The following PRMT8 variants were observed in gnomAD, a reference collection of about 807,000 sequenced individuals.
PRMT8 encodes the protein protein arginine methyltransferase 8, also known as protein arginine N-methyltransferase 8.
PRMT8 carries 7 observed loss-of-function variants against 47.1 expected under a neutral mutation model. The observed-to-expected ratio is 0.15, with a 90% CI of 0.08 to 0.28. The LOEUF (loss-of-function observed/expected upper bound fraction) is 0.28, where lower values mean the gene tolerates loss of function less well. PRMT8 is among the 10% of genes least tolerant of loss of function. The pLI is 1.00. For synonymous variants in PRMT8, 188 were observed against 186.5 expected (o/e 1.01, Z -0.07); for missense variants, 237 against 505.4 (o/e 0.47, Z 5.09).
At chr12:3,433,793 G>A (rs1864707503) in intron 1 of PRMT8, among the ~76,000 whole-genome samples, 1 of 152,112 alleles carries the variant, frequency 6.6e-6, no homozygotes, top group Admixed American at 6.6e-5. Context: ...TGTATTTTTA[G>A]TAGAGATGGG....
At chr12:3,470,737 G>T (rs1486462898) in intron 1 of PRMT8, among the ~76,000 whole-genome samples, 1 of 152,166 alleles carries the variant, frequency 6.6e-6, no homozygotes, top group African/African-American at 2.4e-5. Flanking sequence ...CAGAACCGGG[G>T]CCTGCTTTCA....
intron 1 of PRMT8, among the ~76,000 whole-genome samples, chr12:3,417,278 A>G (rs971080931): frequency 1.3e-5 from 2 of 152,222 alleles, no homozygotes; most frequent in Non-Finnish European, 2.9e-5. Flanking sequence ...CAGATTTCAG[A>G]CAGCAACACA....
intron 1 of PRMT8, among the ~76,000 whole-genome samples, chr12:3,388,203 A>G (rs752661505): frequency 6.6e-6 from 1 of 152,124 alleles, no homozygotes; most frequent in Non-Finnish European, 1.5e-5. Flanking sequence ...ACCCCGTTTC[A>G]TGACATTGAC....
At chr12:3,445,039 G>A (rs896076370) in intron 1 of PRMT8, among the ~76,000 whole-genome samples, 2 of 152,260 alleles carry the variant, frequency 1.3e-5, no homozygotes, top group African/African-American at 4.8e-5. Context: ...AGGAAGGGGA[G>A]ATTTTGAGTG....
chr12:3,550,445 A>C lies in PRMT8; in HGVS notation c.417+354A>C, dbSNP rs147607657. The C allele has an allele frequency of 3.9e-6, 1 of 253,680 alleles. No individual in the cohort carries two copies. The highest frequency in any genetic ancestry group is 4.5e-5 in the Admixed American group (1 of 22,052). The allele number at this position is 253,680 out of a possible 1,614,324, so 15.7% of individuals were successfully genotyped here. ...GGTTTGAATCTCTGCATTTCCATTC[A>C]CTAGGCATGTGACCTTGGACTATTC... is the stretch of plus-strand genomic sequence containing the variant. On this transcript the variant is annotated intron_variant, in intron 3 of 9. Transcript: ENST00000382622. The surrounding 1 kb of genome is among the most constrained non-coding windows in gnomAD (Gnocchi z 5.1).
rs534871218 is a variant in PRMT8, at chr12:3,415,924, C to T, written c.48+34482C>T. 1.1e-4 allele frequency among the ~76,000 whole-genome samples: 16 copies of T among 152,266 alleles called. No homozygotes were observed. In the South Asian group the frequency reaches 1.2e-3, roughly 12 times the overall value. ...AATGTGAGCTGGGGTAATCACAGGG[C>T]TCTCCCCGCAGGACAGGGACAAACT... is the stretch of plus-strand genomic sequence containing the variant. On this transcript the variant is annotated intron_variant, in intron 1 of 9. Transcript: ENST00000452611.
In PRMT8 at chr12:3,405,534, C is replaced by T. The variant is rs7485966; in HGVS notation, c.48+24092C>T. ...CATCTGAGACAAGGCAAGTCCCTTTCGCCTATAAAATCAAAAGCAAGTTAG... is the reference window on the plus strand; with the variant it reads ...CATCTGAGACAAGGCAAGTCCCTTTTGCCTATAAAATCAAAAGCAAGTTAG... On this transcript the variant is annotated intron_variant, in intron 1 of 9. Transcript: ENST00000452611. 2.7e-3 allele frequency among the ~76,000 whole-genome samples: 404 copies of T among 152,296 alleles called. 3 individuals carry two copies. The highest frequency in any genetic ancestry group is 8.8e-3 in the African/African-American group (366 of 41,554).
At chr12:3,589,331 G>A (rs1404046953) in intron 8 of PRMT8, among the ~76,000 whole-genome samples, 1 of 152,150 alleles carries the variant, frequency 6.6e-6, no homozygotes, top group Non-Finnish European at 1.5e-5. Flanking sequence ...CTCACAATAC[G>A]TCAGGAGGTG....
chr12:3,443,975 T>C (rs1452943813), intron 1 of PRMT8, among the ~76,000 whole-genome samples: 1 of 152,236 alleles, frequency 6.6e-6, no homozygotes, highest in East Asian at 1.9e-4. Context: ...TAAACATCAT[T>C]GCTTTAAACT....
chr12:3,565,042 G>C (rs1032963176), intron 4 of PRMT8, among the ~76,000 whole-genome samples: 2 of 152,214 alleles, frequency 1.3e-5, no homozygotes, highest in Non-Finnish European at 2.9e-5. Flanking sequence ...TGGCTGCACA[G>C]AAAGAATGTG....
At chr12:3,588,699 T>C (rs1388036520) in intron 8 of PRMT8, among the ~76,000 whole-genome samples, 1 of 152,242 alleles carries the variant, frequency 6.6e-6, no homozygotes, top group Non-Finnish European at 1.5e-5. Context: ...GTACTGGTCA[T>C]GCTCACTTCA....
chr12:3,538,589 T>G lies in PRMT8; in HGVS notation c.76-2017T>G, dbSNP rs956839598. 1 of 518,652 alleles carries G rather than the reference T, an allele frequency of 1.9e-6. No homozygotes were observed. Among genetic ancestry groups the G allele is most frequent in the Non-Finnish European group, 3.9e-6 (1 of 259,724 alleles). The allele number at this position is 518,652 out of a possible 1,614,324, so 32.1% of individuals were successfully genotyped here. ...ACAGCTAAGGGGTGCTGGAGGCCCC[T>G]GTGACCTTGACCATGCACAATGCCC... On this transcript the variant is annotated intron_variant, in intron 1 of 9. Coordinates refer to ENST00000382622, the MANE Select transcript of PRMT8 (RefSeq NM_019854.5). The surrounding 1 kb of genome is among the most constrained non-coding windows in gnomAD (Gnocchi z 4.6).
chr12:3,512,557 T>A (rs984673200), intron 1 of PRMT8, among the ~76,000 whole-genome samples: 2 of 152,130 alleles, frequency 1.3e-5, no homozygotes, highest in Non-Finnish European at 2.9e-5. Flanking sequence ...ACCAGAGGCC[T>A]CCCTTACTCT....
At chr12:3,581,026 C>T (rs1422251910) in intron 7 of PRMT8, among the ~76,000 whole-genome samples, 10 of 152,146 alleles carry the variant, frequency 6.6e-5, no homozygotes, top group Admixed American at 5.2e-4. Context: ...ATGAAGGACC[C>T]CTCCCCTTGA....
At position 3,491,326 on chromosome 12, in the gene PRMT8, C is replaced by T; in HGVS notation, c.-300C>T. ...CGCCGCCGCCGCGGAGGCTTCGGGG[C>T]TGCTTCCCTCGAGCTTAGCCCGCAG... On this transcript the variant is annotated 5_prime_UTR_variant, in exon 1 of 10. Transcript: ENST00000382622. The T allele has an allele frequency of 9.0e-7, 1 of 1,105,862 alleles. No homozygotes were observed. The highest frequency in any genetic ancestry group is 5.6e-5 in the East Asian group (1 of 17,968). The allele number at this position is 1,105,862 out of a possible 1,614,324, so 68.5% of individuals were successfully genotyped here.
chr12:3,445,411 T>C (rs1268109315), intron 1 of PRMT8, among the ~76,000 whole-genome samples: 1 of 152,234 alleles, frequency 6.6e-6, no homozygotes, highest in Non-Finnish European at 1.5e-5. Context: ...ACTTTATTGA[T>C]TTAAAGTTGC....
In PRMT8 at chr12:3,514,657, G is replaced by A. The variant is rs1865761555; in HGVS notation, c.75+22957G>A. Among the ~76,000 whole-genome samples the A allele has an allele frequency of 3.9e-5, 6 of 152,184 alleles. No homozygotes were observed. In the South Asian group the frequency reaches 1.2e-3, roughly 32 times the overall value. On this transcript the variant is annotated intron_variant, in intron 1 of 9. Coordinates refer to ENST00000382622, the MANE Select transcript of PRMT8 (RefSeq NM_019854.5). This position sits in a 1 kb window ranked among gnomAD's most constrained non-coding sequence, Gnocchi z 5.9. ...GTTTCCTTGCAAAGCTGACCTTTCCGGCTGGGTTCTGCCTGTGGGCGACAG... is the reference window on the plus strand; with the variant it reads ...GTTTCCTTGCAAAGCTGACCTTTCCAGCTGGGTTCTGCCTGTGGGCGACAG...
At chr12:3,540,473 C>G (rs1266965298) in intron 1 of PRMT8, 133 bp from the exon 2 acceptor site, 4 of 648,468 alleles carry the variant, frequency 6.2e-6, no homozygotes, top group Non-Finnish European at 1.1e-5. Flanking sequence ...GCTCACCTAC[C>G]TCCCTTTCAG....
At chr12:3,561,159 A>G (rs1167948707) in intron 4 of PRMT8, among the ~76,000 whole-genome samples, 1 of 152,142 alleles carries the variant, frequency 6.6e-6, no homozygotes, top group African/African-American at 2.4e-5. Context: ...AGTGGTTGGA[A>G]CATTCTCCTC....
Sources: allele counts gnomAD v4.1 joint callset (sites outside exome capture counted in the v4.1 genomes callset), GRCh38; gene constraint gnomAD v4.1.1; non-coding constraint Gnocchi (gnomAD v3.1); transcripts MANE v1.5; gene names NCBI Gene and HGNC (gene_info 2026-07-23, HGNC 2026-07-21).